Variants in KATNAL1 observed in about 807,000 individuals in gnomAD.
KATNAL1 encodes katanin p60 ATPase-containing subunit A-like 1.
A neutral mutation model predicts 55.2 loss-of-function variants in KATNAL1; 32 were observed. The observed-to-expected ratio is 0.58, with a 90% CI of 0.44 to 0.78. KATNAL1 has a LOEUF of 0.78. Among genes scored for constraint, KATNAL1 ranks in the 30% least tolerant of loss-of-function variants. KATNAL1 has a pLI of 0.00. For synonymous variants in KATNAL1, 193 were observed against 193.6 expected (o/e 1.00, Z 0.02); for missense variants, 466 against 600.9 (o/e 0.78, Z 2.35).
Position 30,207,962 on chromosome 13 carries a change from G to C in KATNAL1, c.*578C>G, listed in dbSNP as rs7328946. The C allele has an allele frequency of 6.6e-6, 1 of 152,092 alleles. No homozygotes were observed. Among genetic ancestry groups the C allele is most frequent in the Non-Finnish European group, 1.5e-5 (1 of 68,036 alleles). 9.4% of individuals were successfully genotyped at this position (152,092 alleles called of 1,614,324 possible). A position where few individuals can be genotyped will look rare whatever the true frequency, so the allele number is the denominator to read the frequency against. On this transcript the variant is annotated 3_prime_UTR_variant, in exon 11 of 11. Coordinates refer to ENST00000380615, the MANE Select transcript of KATNAL1 (RefSeq NM_032116.5). ...TCCTCAGTAAAGCTCAAGATATTAT[G>C]AAGTAGCTAGCAGAAGAAATGGCAG... is the stretch of plus-strand genomic sequence containing the variant.
intron 9 of KATNAL1, among the ~76,000 whole-genome samples, chr13:30,225,169 TTCA>T (rs1875321639): frequency 6.6e-6 from 1 of 152,038 alleles, no homozygotes; most frequent in South Asian, 2.1e-4. Flanking sequence ...AAAAAAAGAG[TTCA>T]ACATAGATTC....
At chr13:30,236,072 G>A (rs1163675209) in intron 6 of KATNAL1, among the ~76,000 whole-genome samples, 1 of 152,140 alleles carries the variant, frequency 6.6e-6, no homozygotes, top group African/African-American at 2.4e-5. Context: ...AGGAGGAGAA[G>A]GAAAAGGAGG....
intron 9 of KATNAL1, among the ~76,000 whole-genome samples, chr13:30,222,321 GC>G (rs1385773038): frequency 6.6e-6 from 1 of 152,146 alleles, no homozygotes; most frequent in African/African-American, 2.4e-5. Context: ...CAGCCTGATA[GC>G]CTTTGGACCT....
At chr13:30,303,200 C>T (rs192903118) in intron 1 of KATNAL1, among the ~76,000 whole-genome samples, 1 of 152,304 alleles carries the variant, frequency 6.6e-6, no homozygotes, top group East Asian at 1.9e-4. Context: ...TCAAACCATA[C>T]CCCAGCAAAA....
intron 2 of KATNAL1, 140 bp from the exon 3 acceptor site, chr13:30,280,363 G>T (rs183492811): frequency 3.3e-6 from 2 of 598,250 alleles, no homozygotes; most frequent in East Asian, 3.2e-5. Flanking sequence ...TAAATACAAA[G>T]AACTATTTCA....
At chr13:30,286,890 G>A (rs1352034496) in intron 1 of KATNAL1, among the ~76,000 whole-genome samples, 3 of 152,222 alleles carry the variant, frequency 2.0e-5, no homozygotes, top group South Asian at 4.1e-4. Flanking sequence ...TGGAGTCAAA[G>A]GAGATAATTT....
chr13:30,277,314 T>A (rs1343328657), intron 3 of KATNAL1, among the ~76,000 whole-genome samples: 1 of 152,136 alleles, frequency 6.6e-6, no homozygotes, highest in East Asian at 1.9e-4. Flanking sequence ...GCTGTCTTAA[T>A]TTTTTTTATT....
chr13:30,270,551 G>A (rs7333842), intron 3 of KATNAL1, among the ~76,000 whole-genome samples: 6,782 of 151,992 alleles, frequency 0.045, 475 homozygotes, highest in African/African-American at 0.15. Flanking sequence ...GTAGACATGG[G>A]AGACTTTTCA....
chr13:30,299,646 A>T lies in KATNAL1; in HGVS notation c.-15+7685T>A, dbSNP rs1882740739. On this transcript the variant is annotated intron_variant, in intron 1 of 10. Coordinates refer to ENST00000380615, the MANE Select transcript of KATNAL1 (RefSeq NM_032116.5). ...AATCTAAAGACAAAATATTTTAGCAATGTCTAATATTTGACAATGTCTCTT... is the reference window on the plus strand; with the variant it reads ...AATCTAAAGACAAAATATTTTAGCATTGTCTAATATTTGACAATGTCTCTT... Among the ~76,000 whole-genome samples, 4 of 152,212 alleles carry T rather than the reference A, an allele frequency of 2.6e-5. No individual in the cohort carries two copies. In the South Asian group the frequency reaches 8.3e-4, roughly 31 times the overall value.
intron 1 of KATNAL1, among the ~76,000 whole-genome samples, chr13:30,298,686 G>C (rs1444011425): frequency 6.6e-6 from 1 of 152,018 alleles, no homozygotes; most frequent in East Asian, 1.9e-4. Flanking sequence ...AAAATATATA[G>C]TCACTGAAAT....
intron 3 of KATNAL1, among the ~76,000 whole-genome samples, chr13:30,275,413 C>T (rs1189271806): frequency 1.3e-5 from 2 of 152,194 alleles, no homozygotes; most frequent in African/African-American, 4.8e-5. Flanking sequence ...CTGTATCTCC[C>T]ACCAGGCCCC....
rs549825474 is a variant in KATNAL1 at position 30,283,115 on chromosome 13, A to T, written c.162+501T>A. Among the ~76,000 whole-genome samples, 9 of 151,098 alleles carry T rather than the reference A, an allele frequency of 6.0e-5. No homozygotes were observed. The East Asian group carries it at 1.8e-3, about 30-fold the overall frequency. Reference sequence around the variant, plus strand: ...AAACCCTGTTTCTACTAAAAACACAAAAATTAACTGGGCGTGGTGGCACAT... The same window carrying T: ...AAACCCTGTTTCTACTAAAAACACATAAATTAACTGGGCGTGGTGGCACAT... On this transcript the variant is annotated intron_variant, in intron 2 of 10. Transcript: ENST00000380615.
chr13:30,295,161 A>AT (rs950656798), intron 1 of KATNAL1, among the ~76,000 whole-genome samples: 7 of 152,194 alleles, frequency 4.6e-5, no homozygotes, highest in African/African-American at 1.7e-4. Context: ...TAAGAAATAC[A>AT]TTTTTTAAGG....
intron 9 of KATNAL1, 48 bp from the exon 10 acceptor site, chr13:30,210,490 A>T (rs373173743): frequency 2.6e-6 from 4 of 1,551,580 alleles, no homozygotes; most frequent in Non-Finnish European, 2.6e-6. Flanking sequence ...CTTTACAAAT[A>T]ATTTTGCTGA....
intron 4 of KATNAL1, among the ~76,000 whole-genome samples, chr13:30,253,979 A>G (rs1259065100): frequency 2.6e-5 from 4 of 152,176 alleles, no homozygotes; most frequent in African/African-American, 7.2e-5. Flanking sequence ...ATAGTAAGAC[A>G]CCTACTTCAC....
At position 30,240,528 on chromosome 13, in the gene KATNAL1, G is replaced by A. The variant is rs775929118; in HGVS notation, c.658C>T (p.Leu220=). The part of the protein sequence containing the change: ...IADLEEAKKL[L]REAVVLPMWM... ...ATTGGAAGAACAACAGCTTCCCTTA[G>A]CAACTTCTTAGCTTCTTCCAGATCT... The change falls in exon 6 of 11, where the codon CTA becomes TTA. Residue 220 remains leucine, a synonymous_variant. Transcript: ENST00000380615. 2.5e-6 allele frequency: 4 copies of A among 1,613,670 alleles called. No homozygotes were observed. Among genetic ancestry groups the A allele is most frequent in the Admixed American group, 1.7e-5 (1 of 60,020 alleles).
intron 9 of KATNAL1, among the ~76,000 whole-genome samples, chr13:30,211,062 A>G (rs565184568): frequency 4.9e-4 from 75 of 152,334 alleles, no homozygotes; most frequent in African/African-American, 1.8e-3. Flanking sequence ...AAAATAACCA[A>G]TCATGCTTGC....
rs1380282257 is a variant in KATNAL1, at chr13:30,205,165, G to T, written c.*3375C>A. ...CAGATTTAAAGTGCAAAAAATAGGG[G>T]AAAAAAACTTTTATATATTTTTCCA... On this transcript the variant is annotated 3_prime_UTR_variant, in exon 11 of 11. Transcript: ENST00000380615. The T allele has an allele frequency of 6.6e-6, 1 of 152,064 alleles. No homozygotes were observed. The highest frequency in any genetic ancestry group is 1.5e-5 in the Non-Finnish European group (1 of 67,988). 9.4% of individuals were successfully genotyped at this position (152,064 alleles called of 1,614,324 possible).
At chr13:30,214,047 CCTT>C (rs576243371) in intron 9 of KATNAL1, among the ~76,000 whole-genome samples, 280 of 152,300 alleles carry the variant, frequency 1.8e-3, no homozygotes, top group Admixed American at 7.5e-3. Flanking sequence ...CCCAAAATCT[CCTT>C]AAGCTGATAA....
Sources: allele counts gnomAD v4.1 joint callset (sites outside exome capture counted in the v4.1 genomes callset), GRCh38; gene constraint gnomAD v4.1.1; transcripts MANE v1.5; gene names NCBI Gene and HGNC (gene_info 2026-07-23, HGNC 2026-07-21).